Variants in AFF3 observed in about 807,000 individuals in gnomAD.
The protein encoded by AFF3 is AF4/FMR2 family member 3.
AFF3 carries 32 observed loss-of-function variants against 129.7 expected under a neutral mutation model. That is an observed-to-expected ratio of 0.25 (90% CI 0.19 to 0.33). AFF3 has a LOEUF of 0.33. Ranked by LOEUF, AFF3 falls within the 10% of genes least tolerant of loss-of-function variation. AFF3 has a pLI of 1.00. For missense variants in AFF3, 1,373 were observed against 1,592.0 expected, an observed-to-expected ratio of 0.86 and a Z score of 2.34; for synonymous variants, 644 against 635.4, an observed-to-expected ratio of 1.01 and a Z score of -0.20.
chr2:99,979,809 A>T (rs1470565009), intron 7 of AFF3, among the ~76,000 whole-genome samples: 2 of 152,072 alleles, frequency 1.3e-5, no homozygotes, highest in Non-Finnish European at 2.9e-5. Flanking sequence ...TTTTATTTTT[A>T]AAAAATCATT....
At chr2:99,603,092 T>C (rs181452571) in intron 13 of AFF3, among the ~76,000 whole-genome samples, 1 of 152,362 alleles carries the variant, frequency 6.6e-6, no homozygotes, top group African/African-American at 2.4e-5. Flanking sequence ...TGCACATTTA[T>C]GCCTTGCCTG....
At chr2:99,936,102 T>C (rs564385769) in intron 7 of AFF3, among the ~76,000 whole-genome samples, 6 of 152,314 alleles carry the variant, frequency 3.9e-5, no homozygotes, top group African/African-American at 1.4e-4. Flanking sequence ...AGATCACCCA[T>C]ACTAACTGGC....
intron 7 of AFF3, among the ~76,000 whole-genome samples, chr2:99,891,126 G>C (rs1177344928): frequency 5.9e-5 from 9 of 152,142 alleles, no homozygotes; most frequent in Admixed American, 5.9e-4. Context: ...TCCATGGGAG[G>C]GAACGGACAA....
chr2:100,130,985 T>C (rs1466123900), intron 1 of AFF3, among the ~76,000 whole-genome samples: 1 of 152,136 alleles, frequency 6.6e-6, no homozygotes, highest in Non-Finnish European at 1.5e-5. Flanking sequence ...ATAAAATTAA[T>C]GGTCAGAAAC....
chr2:99,670,636 T>C (rs1687073309), intron 12 of AFF3, among the ~76,000 whole-genome samples: 1 of 152,190 alleles, frequency 6.6e-6, no homozygotes. Context: ...ATTAGTCTTG[T>C]TTAAAAGTAT....
chr2:99,659,363 C>T (rs1001257452), intron 12 of AFF3, among the ~76,000 whole-genome samples: 3 of 152,206 alleles, frequency 2.0e-5, no homozygotes, highest in Admixed American at 6.5e-5. Flanking sequence ...GAGTAGCCAT[C>T]AGACCCAACG....
intron 11 of AFF3, among the ~76,000 whole-genome samples, chr2:99,723,376 C>G (rs1679078945): frequency 6.6e-6 from 1 of 152,176 alleles, no homozygotes; most frequent in Non-Finnish European, 1.5e-5. Context: ...TGTTTGGAGA[C>G]TCCCAACCTT....
chr2:99,896,870 C>T (rs1054500343), intron 7 of AFF3, among the ~76,000 whole-genome samples: 1 of 151,706 alleles, frequency 6.6e-6, no homozygotes, highest in Non-Finnish European at 1.5e-5. Flanking sequence ...CTCCTGACCT[C>T]GTGATCTGCC....
At chr2:99,677,762 A>G (rs528681880) in intron 11 of AFF3, among the ~76,000 whole-genome samples, 4 of 152,338 alleles carry the variant, frequency 2.6e-5, no homozygotes, top group Admixed American at 2.6e-4. Flanking sequence ...AAAGGGAAAG[A>G]TGAATGGAAA....
intron 2 of AFF3, among the ~76,000 whole-genome samples, chr2:100,120,379 G>GA (rs986019193): frequency 2.0e-5 from 3 of 151,822 alleles, no homozygotes; most frequent in South Asian, 2.1e-4. Flanking sequence ...ATTAAAATAA[G>GA]AAAAAAAATT....
At chr2:99,762,957 T>A (rs1384187863) in intron 8 of AFF3, among the ~76,000 whole-genome samples, 3 of 152,264 alleles carry the variant, frequency 2.0e-5, no homozygotes, top group African/African-American at 7.2e-5. Flanking sequence ...GACACTCTTA[T>A]CAGATAAGTG....
chr2:99,599,107 C>G (rs1205661667), intron 14 of AFF3, among the ~76,000 whole-genome samples: 1 of 152,216 alleles, frequency 6.6e-6, no homozygotes, highest in African/African-American at 2.4e-5. Context: ...GAGGCTCTTG[C>G]CCCTCTCCTT....
chr2:99,834,347 A>G (rs1217421236), intron 8 of AFF3, among the ~76,000 whole-genome samples: 1 of 152,208 alleles, frequency 6.6e-6, no homozygotes, highest in African/African-American at 2.4e-5. Flanking sequence ...AATGTTACCA[A>G]TGCCTACCTC....
At chr2:99,870,144 C>A (rs1184731427) in intron 7 of AFF3, among the ~76,000 whole-genome samples, 1 of 152,208 alleles carries the variant, frequency 6.6e-6, no homozygotes, top group Non-Finnish European at 1.5e-5. Flanking sequence ...CCCCCTCCAA[C>A]CTCTGCCCCA....
chr2:99,863,819 G>A (rs1346623), intron 7 of AFF3, among the ~76,000 whole-genome samples: 64,752 of 152,124 alleles, frequency 0.43, 14,133 homozygotes, highest in East Asian at 0.54. Context: ...TTCATGCTCA[G>A]TTTTCATTTG....
At chr2:99,558,755 T>C in intron 22 of AFF3, 120 bp downstream of exon 22, 4 of 897,552 alleles carry the variant, frequency 4.5e-6, no homozygotes, top group Non-Finnish European at 5.1e-6. Context: ...TGGGGTTACC[T>C]TGGGGACCAG....
At chr2:99,650,207 A>C (rs1041695725) in intron 12 of AFF3, among the ~76,000 whole-genome samples, 17 of 152,214 alleles carry the variant, frequency 1.1e-4, no homozygotes, top group African/African-American at 3.4e-4. Context: ...GGTTTTTAAA[A>C]TTCACATTGA....
intron 11 of AFF3, among the ~76,000 whole-genome samples, chr2:99,694,396 T>G (rs1052737872): frequency 5.3e-5 from 8 of 152,064 alleles, no homozygotes; most frequent in African/African-American, 1.7e-4. Context: ...TAGGCCACAG[T>G]GGCAGGCAGA....
intron 1 of AFF3, among the ~76,000 whole-genome samples, chr2:100,141,533 G>T (rs754256361): frequency 6.6e-6 from 1 of 152,106 alleles, no homozygotes; most frequent in Non-Finnish European, 1.5e-5. Flanking sequence ...TAGTTTGTAC[G>T]ATCAACATTC....
Sources: allele counts gnomAD v4.1 joint callset (sites outside exome capture counted in the v4.1 genomes callset), GRCh38; gene constraint gnomAD v4.1.1; transcripts MANE v1.5; gene names NCBI Gene and HGNC (gene_info 2026-07-23, HGNC 2026-07-21).